The following ZNF347 variants were observed in gnomAD, a reference collection of about 807,000 sequenced individuals.
The protein encoded by ZNF347 is CTD-2620I22.7.
ZNF347 carries 19 observed loss-of-function variants against 12.9 expected under a neutral mutation model. The observed-to-expected ratio is 1.47, with a 90% confidence interval of 1.03 to 2.16. ZNF347 has a LOEUF of 2.16. ZNF347 is among the 30% of genes most tolerant of loss of function. The probability of loss-of-function intolerance (pLI) is 0.00; values close to 1 mark genes in which losing one functional copy is unlikely to be tolerated. For missense variants in ZNF347, 1,005 were observed against 990.6 expected (o/e 1.01, Z -0.19); for synonymous variants, 328 against 340.6 (o/e 0.96, Z 0.41).
intron 2 of ZNF347, among the ~76,000 whole-genome samples, chr19:53,149,838 G>A (rs958032998): frequency 2.6e-5 from 4 of 151,956 alleles, no homozygotes; most frequent in Non-Finnish European, 5.9e-5. Context: ...CTCTGAGGAC[G>A]CCCCCACCGA....
In ZNF347 at chr19:53,139,383, T is replaced by G. The variant is rs2090405170; in HGVS notation, c.*925A>C. On this transcript the variant is annotated 3_prime_UTR_variant, in exon 5 of 5. Transcript: ENST00000334197. ...TGATCCTCATGTAATGAAGTAAGCC[T>G]TTCCATACTGTGGTTCTTTCCCAGA... 6.6e-6 allele frequency: 1 copy of G among 152,188 alleles called. No homozygotes were observed. The highest frequency in any genetic ancestry group is 2.4e-5 in the African/African-American group (1 of 41,442). 9.4% of individuals were successfully genotyped at this position (152,188 alleles called of 1,614,324 possible).
At chr19:53,149,125 C>A in intron 3 of ZNF347, 116 bp downstream of exon 3, 1 of 1,543,192 alleles carries the variant, frequency 6.5e-7, no homozygotes, top group South Asian at 1.2e-5. Context: ...TTTCATTTTT[C>A]AGTCAACACA....
At chr19:53,147,860 C>A (rs879924335) in intron 4 of ZNF347, among the ~76,000 whole-genome samples, 12 of 152,110 alleles carry the variant, frequency 7.9e-5, no homozygotes, top group Non-Finnish European at 7.4e-5. Context: ...TAGTTTAATA[C>A]ACACAAATCA....
chr19:53,153,851 T>A, intron 1 of ZNF347, 58 bp from the exon 2 acceptor site: 1 of 1,355,468 alleles, frequency 7.4e-7, no homozygotes, highest in Admixed American at 1.7e-5. Flanking sequence ...AATGTGCTGT[T>A]TATTGCTCAG....
At position 53,139,312 on chromosome 19, in the gene ZNF347, A is replaced by G. The variant is rs2090404805; in HGVS notation, c.*996T>C. 6.6e-6 allele frequency: 1 copy of G among 152,160 alleles called. No individual in the cohort carries two copies. Among genetic ancestry groups the G allele is most frequent in the Non-Finnish European group, 1.5e-5 (1 of 68,022 alleles). 9.4% of individuals were successfully genotyped at this position (152,160 alleles called of 1,614,324 possible). On this transcript the variant is annotated 3_prime_UTR_variant, in exon 5 of 5. Transcript: ENST00000334197. ...GGTCTCTCAATTGAGAGAATATTTA[A>G]TTTTACAAGGCAGAGTCCTCCTTCT...
chr19:53,156,675 C>T (rs1023653202), intron 1 of ZNF347, among the ~76,000 whole-genome samples: 3 of 152,106 alleles, frequency 2.0e-5, no homozygotes, highest in East Asian at 1.9e-4. Context: ...TTCTTTGAGC[C>T]GCCCTCACAA....
intron 1 of ZNF347, 125 bp from the exon 2 acceptor site, chr19:53,153,918 C>A: frequency 4.3e-6 from 3 of 691,716 alleles, no homozygotes; most frequent in Non-Finnish European, 7.4e-6. Context: ...GAAGACCTCA[C>A]CCTGTGGAAA....
chr19:53,142,346 C>T lies in ZNF347; in HGVS notation c.482G>A (p.Gly161Asp), dbSNP rs747462171. 59 of 1,613,898 alleles carry T rather than the reference C, an allele frequency of 3.7e-5. No individual in the cohort carries two copies. The highest frequency in any genetic ancestry group is 4.7e-5 in the Non-Finnish European group (55 of 1,180,004). ...NYKGVLLTQE[G>D]NLTHGRDEHD... ...TTCATCTCTTCCATGAGTGAGATTG[C>T]CTTCTTGGGTCAAAAGCACTCCTTT... The change falls in exon 5 of 5, where the codon GGC becomes GAC. Residue 161 changes from glycine to aspartate, a missense_variant. Coordinates refer to ENST00000334197, the MANE Select transcript of ZNF347 (RefSeq NM_032584.3).
chr19:53,141,802 C>A lies in ZNF347; in HGVS notation c.1026G>T (p.Glu342Asp). ...LSQHQKIHTG[E>D]KPYKCNECGK... is the part of the protein sequence containing the mutation. ...CACATTCGTTACATTTATAAGGTTT[C>A]TCTCCAGTGTGAATTTTCTGATGTT... The change falls in exon 5 of 5, where the codon GAG becomes GAT. Residue 342 changes from glutamate (E) to aspartate (D), a missense_variant. Transcript: ENST00000334197. 1 of 1,613,976 alleles carries A rather than the reference C, an allele frequency of 6.2e-7. No individual in the cohort carries two copies. Among genetic ancestry groups the A allele is most frequent in the African/African-American group, 1.3e-5 (1 of 75,046 alleles).
chr19:53,146,136 C>T (rs547027334), intron 4 of ZNF347, among the ~76,000 whole-genome samples: 47 of 151,490 alleles, frequency 3.1e-4, no homozygotes, highest in Non-Finnish European at 4.3e-4. Flanking sequence ...CCCCCACGCC[C>T]GGCTAATTTT....
rs1034319852 is a variant in ZNF347 at position 53,153,819 on chromosome 19, G to A, written c.-46-26C>T. 1.2e-5 allele frequency: 19 copies of A among 1,587,426 alleles called. No individual in the cohort carries two copies. The African/African-American group carries it at 2.2e-4, about 18-fold the overall frequency. The stretch of plus-strand genomic sequence containing the variant: ...CTTAGGTAACAGGAAAGTGCCTTTA[G>A]AAGTCAATATTGAATATCCAAAATG... On this transcript the variant is annotated intron_variant, in intron 1 of 4. Coordinates refer to ENST00000334197, the MANE Select transcript of ZNF347 (RefSeq NM_032584.3).
At chr19:53,153,010 T>C (rs1280424295) in intron 2 of ZNF347, among the ~76,000 whole-genome samples, 1 of 152,206 alleles carries the variant, frequency 6.6e-6, no homozygotes, top group African/African-American at 2.4e-5. Flanking sequence ...GTTCTGCTCC[T>C]ATAACCGAAC....
chr19:53,140,662 T>C lies in ZNF347; in HGVS notation c.2166A>G (p.Ser722=). Residue 722 remains serine, a synonymous_variant, in exon 5 of 5, where the codon TCA becomes TCG. Transcript: ENST00000334197. ...GGATTGCCTGATGGGTAGTTAGGCT[T>C]GAACGGACACTAAAGGCTTTCCCAC... ...NQCGKAFSVR[S]SLTTHQAIHT... 6.2e-7 allele frequency: 1 copy of C among 1,613,744 alleles called. No individual in the cohort carries two copies. Among genetic ancestry groups the C allele is most frequent in the Non-Finnish European group, 8.5e-7 (1 of 1,179,972 alleles).
In ZNF347 at chr19:53,140,502, G is replaced by A. The variant is rs753043886; in HGVS notation, c.2326C>T (p.Gln776Ter). 68 of 1,613,606 alleles carry A rather than the reference G, an allele frequency of 4.2e-5. No individual in the cohort carries two copies. Among genetic ancestry groups the A allele is most frequent in the Non-Finnish European group, 5.3e-5 (62 of 1,179,892 alleles). The change falls in exon 5 of 5, where the codon CAA becomes TAA. Residue 776 changes from glutamine to a stop codon, truncating the protein, a stop_gained. Coordinates refer to ENST00000334197, the MANE Select transcript of ZNF347 (RefSeq NM_032584.3). LOFTEE classifies it low-confidence loss of function (END_TRUNC). ...TGATGCCTTGCAAGTTTTGAAGTTT[G>A]ACTAAAGGCTTTGCCACACTCATTA... Reference protein sequence around the residue: ...KCNECGKAFSQTSKLARHQRI... With the variant: ...KCNECGKAFS
At position 53,142,417 on chromosome 19, in the gene ZNF347, A is replaced by G; in HGVS notation, c.411T>C (p.Asn137=). The change falls in exon 5 of 5, where the codon AAT becomes AAC. Residue 137 remains asparagine, a synonymous_variant. Transcript: ENST00000334197. Reference sequence around the variant, plus strand: ...TGCATTGATACTCAAGGCCATGTGTATTTTTCTGGACTTCCCTGAAGGAAC... The same window carrying G: ...TGCATTGATACTCAAGGCCATGTGTGTTTTTCTGGACTTCCCTGAAGGAAC... ...EGCSFREVQK[N]THGLEYQCRD... is the part of the protein sequence containing the mutation. 2 of 1,613,946 alleles carry G rather than the reference A, an allele frequency of 1.2e-6. No homozygotes were observed. Among genetic ancestry groups the G allele is most frequent in the Non-Finnish European group, 1.7e-6 (2 of 1,179,960 alleles).
Position 53,149,368 on chromosome 19 carries a change from C to T in ZNF347, c.16-1G>A. 6.2e-7 allele frequency: 1 copy of T among 1,613,594 alleles called. No homozygotes were observed. The highest frequency in any genetic ancestry group is 1.3e-5 in the African/African-American group (1 of 74,988). ...CCACATCCCTGAATGTCACCTGTCC[C>T]TAAAATGAAAAACACATCCACCAGG... On this transcript the variant is annotated splice_acceptor_variant, in intron 2 of 4. Coordinates refer to ENST00000334197, the MANE Select transcript of ZNF347 (RefSeq NM_032584.3). LOFTEE classifies it high-confidence loss of function.
chr19:53,144,111 A>G (rs1399465604), intron 4 of ZNF347, among the ~76,000 whole-genome samples: 1 of 151,570 alleles, frequency 6.6e-6, no homozygotes, highest in African/African-American at 2.4e-5. Context: ...TTTCTCTGGT[A>G]GTATAAGTCC....
chr19:53,145,656 G>T (rs1244618051), intron 4 of ZNF347, among the ~76,000 whole-genome samples: 1 of 151,740 alleles, frequency 6.6e-6, no homozygotes, highest in African/African-American at 2.4e-5. Context: ...GCCTCCTAAG[G>T]TGCTGGGATT....
intron 4 of ZNF347, among the ~76,000 whole-genome samples, chr19:53,144,361 A>T (rs1330688790): frequency 6.6e-6 from 1 of 152,226 alleles, no homozygotes; most frequent in Non-Finnish European, 1.5e-5. Flanking sequence ...TTAAGTCAAT[A>T]AGTGTAAAAA....
Sources: gnomAD v4.1 joint callset for allele counts (sites outside exome capture counted in the v4.1 genomes callset) on GRCh38, gnomAD v4.1.1 for gene constraint, MANE v1.5 for transcripts, NCBI Gene and HGNC (gene_info 2026-07-23, HGNC 2026-07-21) for gene names.